ZNF407: variants seen among roughly 807,000 people sequenced by gnomAD.
The protein encoded by ZNF407 is zinc finger protein 407.
Under a neutral mutation model 131.2 loss-of-function variants are expected in ZNF407, and 17 were observed. The observed-to-expected ratio is 0.13, with a 90% CI of 0.09 to 0.19. The LOEUF is 0.19. Ranked by LOEUF, ZNF407 falls within the 10% of genes least tolerant of loss-of-function variation. ZNF407 has a pLI of 1.00. For synonymous variants in ZNF407, 1,156 were observed against 1,062.0 expected (o/e 1.09, Z -1.72); for missense variants, 2,681 against 2,830.6 (o/e 0.95, Z 1.20).
intron 5 of ZNF407, among the ~76,000 whole-genome samples, chr18:74,878,491 G>T (rs1971190702): frequency 6.6e-6 from 1 of 152,136 alleles, no homozygotes. Flanking sequence ...TCGAACAGCA[G>T]ATGAAAAGCC....
chr18:74,984,344 G>A (rs1249889592), intron 8 of ZNF407, among the ~76,000 whole-genome samples: 1 of 152,072 alleles, frequency 6.6e-6, no homozygotes, highest in Non-Finnish European at 1.5e-5. Flanking sequence ...AAAAGTACCT[G>A]GGCCATCCAA....
At chr18:74,902,297 C>T (rs1390157929) in intron 7 of ZNF407, among the ~76,000 whole-genome samples, 1 of 152,220 alleles carries the variant, frequency 6.6e-6, no homozygotes, top group South Asian at 2.1e-4. Flanking sequence ...TAATTACAAC[C>T]TGCGCACAGC....
chr18:74,698,216 T>C (rs1437863301), intron 3 of ZNF407, among the ~76,000 whole-genome samples: 2 of 152,206 alleles, frequency 1.3e-5, no homozygotes. Context: ...TACAAATGAA[T>C]ATTAACTAAA....
intron 3 of ZNF407, among the ~76,000 whole-genome samples, chr18:74,769,710 G>A (rs1453171590): frequency 3.3e-5 from 5 of 152,190 alleles, no homozygotes. Flanking sequence ...TTGCATGTGG[G>A]ATGCAAGCGC....
chr18:74,940,602 A>T (rs938939230), intron 8 of ZNF407, among the ~76,000 whole-genome samples: 3 of 152,216 alleles, frequency 2.0e-5, no homozygotes, highest in African/African-American at 7.2e-5. Flanking sequence ...CAGAGAAGCG[A>T]CATGGTAAGA....
intron 3 of ZNF407, among the ~76,000 whole-genome samples, chr18:74,741,668 C>G (rs892819345): frequency 3.3e-5 from 5 of 152,056 alleles, no homozygotes; most frequent in African/African-American, 1.2e-4. Context: ...ATATATTTTT[C>G]ATGCCTGATT....
At chr18:74,906,446 C>T (rs1971596101) in intron 7 of ZNF407, among the ~76,000 whole-genome samples, 1 of 152,228 alleles carries the variant, frequency 6.6e-6, no homozygotes, top group South Asian at 2.1e-4. Flanking sequence ...GTCAGGTTTA[C>T]ATTCCTGGCA....
At chr18:74,899,567 A>G (rs1971496184) in intron 7 of ZNF407, among the ~76,000 whole-genome samples, 1 of 152,206 alleles carries the variant, frequency 6.6e-6, no homozygotes, top group African/African-American at 2.4e-5. Flanking sequence ...CCAGGTCAAT[A>G]GGTGTATAGT....
chr18:74,797,095 A>G (rs1969934172), intron 4 of ZNF407, among the ~76,000 whole-genome samples: 1 of 152,180 alleles, frequency 6.6e-6, no homozygotes, highest in Admixed American at 6.5e-5. Flanking sequence ...ATTACAGTGC[A>G]TGTAGTGTCA....
At chr18:74,890,834 T>C (rs1599224100) in intron 7 of ZNF407, among the ~76,000 whole-genome samples, 1 of 152,142 alleles carries the variant, frequency 6.6e-6, no homozygotes, top group African/African-American at 2.4e-5. Flanking sequence ...ATCTCAGCCG[T>C]GGCGTAAAAA....
intron 6 of ZNF407, among the ~76,000 whole-genome samples, chr18:74,887,419 C>T (rs572465211): frequency 5.3e-5 from 8 of 151,956 alleles, no homozygotes; most frequent in African/African-American, 1.4e-4. Flanking sequence ...AAATCCCTTT[C>T]AATTCAGATT....
intron 4 of ZNF407, among the ~76,000 whole-genome samples, chr18:74,790,323 T>C (rs1201360805): frequency 6.6e-6 from 1 of 152,198 alleles, no homozygotes; most frequent in Non-Finnish European, 1.5e-5. Flanking sequence ...TGTAGAGATA[T>C]TGAACTATAA....
intron 3 of ZNF407, among the ~76,000 whole-genome samples, chr18:74,706,809 C>T (rs1440628966): frequency 6.6e-6 from 1 of 152,156 alleles, no homozygotes; most frequent in Non-Finnish European, 1.5e-5. Context: ...AAAGATCTTC[C>T]TGCCTCATTC....
At chr18:74,809,769 G>A (rs1451958116) in intron 4 of ZNF407, among the ~76,000 whole-genome samples, 1 of 152,192 alleles carries the variant, frequency 6.6e-6, no homozygotes, top group Non-Finnish European at 1.5e-5. Context: ...TGTACCATTA[G>A]AGTGTATGGA....
intron 3 of ZNF407, among the ~76,000 whole-genome samples, chr18:74,720,995 A>G (rs1459253781): frequency 1.4e-5 from 2 of 147,538 alleles, no homozygotes; most frequent in Non-Finnish European, 3.0e-5. Context: ...TGGTTTCATT[A>G]ACATTTTCAG....
At chr18:74,731,540 C>T (rs1204693290) in intron 3 of ZNF407, among the ~76,000 whole-genome samples, 2 of 152,204 alleles carry the variant, frequency 1.3e-5, no homozygotes, top group Non-Finnish European at 2.9e-5. Context: ...GAAATGCAAA[C>T]ACATTTTCAA....
intron 3 of ZNF407, among the ~76,000 whole-genome samples, chr18:74,751,218 G>A (rs1290416510): frequency 6.6e-6 from 1 of 152,054 alleles, no homozygotes; most frequent in Non-Finnish European, 1.5e-5. Flanking sequence ...ATTCCTCTAA[G>A]ATTTTATAGC....
chr18:74,656,285 C>T lies in ZNF407; in HGVS notation c.4802+15163C>T, dbSNP rs542375398. On this transcript the variant is annotated intron_variant, in intron 3 of 8. Transcript: ENST00000299687. ...CTGATTTATTTTTCTAAGACACTAA[C>T]ATATTAATGTGAGGGATTTTTTGGT... Among the ~76,000 whole-genome samples, 6 of 152,192 alleles carry T rather than the reference C, an allele frequency of 3.9e-5. 1 individual carries two copies. The South Asian group carries it at 1.0e-3, about 26-fold the overall frequency.
At position 75,061,029 on chromosome 18, in the gene ZNF407, C is replaced by T. The variant is rs185748390; in HGVS notation, c.5429-2121C>T. Among the ~76,000 whole-genome samples the T allele has an allele frequency of 8.3e-3, 1,260 of 152,282 alleles. 13 individuals carry two copies. Among genetic ancestry groups the T allele is most frequent in the Middle Eastern group, 0.014 (4 of 294 alleles). On this transcript the variant is annotated intron_variant, in intron 8 of 8. Coordinates refer to ENST00000299687, the MANE Select transcript of ZNF407 (RefSeq NM_017757.3). ...TGAGATGCACCCACTGGAAGACAGG[C>T]CCTGTCTGGGGTCTGTGCTCAGAAT...
Sources: allele counts gnomAD v4.1 joint callset (sites outside exome capture counted in the v4.1 genomes callset), GRCh38; gene constraint gnomAD v4.1.1; transcripts MANE v1.5; gene names NCBI Gene and HGNC (gene_info 2026-07-23, HGNC 2026-07-21).